ACAN: variants seen among roughly 807,000 people sequenced by gnomAD.
ACAN encodes aggrecan.
Under a neutral mutation model 169.1 loss-of-function variants are expected in ACAN, and 47 were observed. The ratio of observed to expected loss-of-function variants is 0.28; its 90% CI spans 0.22 to 0.35. The LOEUF (loss-of-function observed/expected upper bound fraction) is 0.35. Ranked by LOEUF, ACAN falls within the 10% of genes least tolerant of loss-of-function variation. The probability of loss-of-function intolerance (pLI) is 1.00; values close to 1 mark genes in which losing one functional copy is unlikely to be tolerated. For missense variants in ACAN, 2,716 were observed against 2,759.9 expected (o/e 0.98, Z 0.36); for synonymous variants, 1,115 against 1,112.2 (o/e 1.00, Z -0.05).
chr15:88,833,103 A>G (rs928556000), intron 1 of ACAN, among the ~76,000 whole-genome samples: 7 of 152,068 alleles, frequency 4.6e-5, no homozygotes, highest in African/African-American at 1.7e-4. Context: ...TCAATCCCAT[A>G]ATTTGATGGA....
chr15:88,841,792 C>G lies in ACAN; in HGVS notation c.682C>G (p.Pro228Ala). Residue 228 changes from proline to alanine, a missense_variant, in exon 5 of 19, where the codon CCT (proline) becomes GCT (alanine). By Grantham distance (27) the Pro-to-Ala change is conservative. Around this residue, in one of 3 missense-constraint regions of ACAN, gnomAD observed 1,283 missense variants for 1,281.5 expected, o/e 1.00. Coordinates refer to ENST00000560601, the MANE Select transcript of ACAN (RefSeq NM_001369268.1). Reference sequence around the variant, plus strand: ...CTGCTATGGAGACAAGGATGAGTTTCCTGGTGTGAGGACGTATGGCATCCG... The same window carrying G: ...CTGCTATGGAGACAAGGATGAGTTTGCTGGTGTGAGGACGTATGGCATCCG... The part of the protein sequence containing the change: ...EGCYGDKDEF[P>A]GVRTYGIRDT... 1 of 1,613,646 alleles carries G rather than the reference C, an allele frequency of 6.2e-7. No individual in the cohort carries two copies. Among genetic ancestry groups the G allele is most frequent in the Non-Finnish European group, 8.5e-7 (1 of 1,179,782 alleles).
Position 88,874,498 on chromosome 15 carries a change from G to C in ACAN, c.*17G>C, listed in dbSNP as rs377128538. 9 of 1,587,160 alleles carry C rather than the reference G, an allele frequency of 5.7e-6. No homozygotes were observed. In the South Asian group the frequency reaches 9.2e-5, roughly 16 times the overall value. ...GCCCACTGAGAAGAGCTTCCAGGAC[G>C]CACCCAGGACGCTGAGCCCAGGAGC... On this transcript the variant is annotated 3_prime_UTR_variant, in exon 19 of 19. Coordinates refer to ENST00000560601, the MANE Select transcript of ACAN (RefSeq NM_001369268.1). This position sits in a 1 kb window ranked among gnomAD's most constrained non-coding sequence, Gnocchi z 7.3.
In ACAN at chr15:88,872,527, C is replaced by T. The variant is rs1567194730; in HGVS notation, c.7303-354C>T. ...GGTGGGCAGAAGCTGGACTTAAGAGCTGTGTTCCTACCATCCATCCCTACC... is the reference window on the plus strand; with the variant it reads ...GGTGGGCAGAAGCTGGACTTAAGAGTTGTGTTCCTACCATCCATCCCTACC... On this transcript the variant is annotated intron_variant, in intron 16 of 18. Coordinates refer to ENST00000560601, the MANE Select transcript of ACAN (RefSeq NM_001369268.1). This position sits in a 1 kb window ranked among gnomAD's most constrained non-coding sequence, Gnocchi z 5.4. Among the ~76,000 whole-genome samples the T allele has an allele frequency of 6.6e-6, 1 of 152,072 alleles. No individual in the cohort carries two copies. The highest frequency in any genetic ancestry group is 2.1e-4 in the South Asian group (1 of 4,810).
At chr15:88,867,477 C>T (rs1205964396) in intron 13 of ACAN, among the ~76,000 whole-genome samples, 3 of 152,176 alleles carry the variant, frequency 2.0e-5, no homozygotes, top group Admixed American at 6.5e-5. Context: ...TGGAGATAGC[C>T]ACCTTCTGGG....
intron 13 of ACAN, among the ~76,000 whole-genome samples, chr15:88,864,584 A>T (rs6496526): frequency 0.26 from 38,834 of 152,172 alleles, 9,234 homozygotes; most frequent in African/African-American, 0.63. Context: ...AATTTAATTA[A>T]TTTATCTTAA....
At position 88,840,197 on chromosome 15, in the gene ACAN, G is replaced by A; in HGVS notation, c.629+11G>A. ...TGACCAGACTGTCAGGTGAGCCCTA[G>A]CCCATCAGCTAGTGGGGGCCAGGAG... On this transcript the variant is annotated intron_variant, in intron 4 of 18. Coordinates refer to ENST00000560601, the MANE Select transcript of ACAN (RefSeq NM_001369268.1). 1 of 1,581,932 alleles carries A rather than the reference G, an allele frequency of 6.3e-7. No individual in the cohort carries two copies. The highest frequency in any genetic ancestry group is 1.2e-5 in the South Asian group (1 of 86,428).
intron 1 of ACAN, among the ~76,000 whole-genome samples, chr15:88,826,718 C>G (rs1352689672): frequency 1.3e-5 from 2 of 152,174 alleles, no homozygotes; most frequent in African/African-American, 4.8e-5. Flanking sequence ...GATGCATTTT[C>G]CCATCTACCA....
In ACAN at chr15:88,866,174, C is replaced by T. The variant is rs1317862258; in HGVS notation, c.6947-2042C>T. Among the ~76,000 whole-genome samples, 3 of 152,176 alleles carry T rather than the reference C, an allele frequency of 2.0e-5. No individual in the cohort carries two copies. Among genetic ancestry groups the T allele is most frequent in the Non-Finnish European group, 4.4e-5 (3 of 68,034 alleles). ...CCAGCCTCTGAGACAACTGGATACC[C>T]CCCAGCCTGACCTCCGCTGGGGTGT... On this transcript the variant is annotated intron_variant, in intron 13 of 18. Transcript: ENST00000560601. This position sits in a 1 kb window ranked among gnomAD's most constrained non-coding sequence, Gnocchi z 5.6.
chr15:88,803,950 C>T (rs576026066), intron 1 of ACAN, 141 bp downstream of exon 1: 3 of 152,364 alleles, frequency 2.0e-5, no homozygotes, highest in African/African-American at 7.2e-5. Flanking sequence ...GGGGGCGCAG[C>T]ACATCCACCG....
intron 2 of ACAN, among the ~76,000 whole-genome samples, chr15:88,836,587 C>A (rs1210907607): frequency 6.6e-6 from 1 of 152,188 alleles, no homozygotes; most frequent in Non-Finnish European, 1.5e-5. Context: ...AGGACTGCTG[C>A]GCACTGAGCT....
Position 88,838,869 on chromosome 15 carries a change from C to G in ACAN, c.277C>G (p.Arg93Gly), listed in dbSNP as rs565318742. 21 of 1,614,022 alleles carry G rather than the reference C, an allele frequency of 1.3e-5. No individual in the cohort carries two copies. The highest frequency in any genetic ancestry group is 1.8e-5 in the Non-Finnish European group (21 of 1,179,904). ...AGTGCTGCTGGTGGCCACTGAAGGG[C>G]GCGTGCGGGTCAACAGTGCCTATCA... ...EVVLLVATEGRVRVNSAYQDK... is the reference protein window; with the variant it reads ...EVVLLVATEGGVRVNSAYQDK... The change falls in exon 3 of 19, where the codon CGC becomes GGC. Residue 93 changes from arginine to glycine, a missense_variant. By Grantham distance (125) the Arg-to-Gly change is moderately radical. Transcript: ENST00000560601. This position sits in a 1 kb window ranked among gnomAD's most constrained non-coding sequence, Gnocchi z 5.1.
chr15:88,869,058 C>T lies in ACAN; in HGVS notation c.7060+729C>T, dbSNP rs928543259. Among the ~76,000 whole-genome samples the T allele has an allele frequency of 1.3e-5, 2 of 152,168 alleles. No individual in the cohort carries two copies. Among genetic ancestry groups the T allele is most frequent in the Admixed American group, 6.5e-5 (1 of 15,282 alleles). On this transcript the variant is annotated intron_variant, in intron 14 of 18. Transcript: ENST00000560601. This position sits in a 1 kb window ranked among gnomAD's most constrained non-coding sequence, Gnocchi z 4.2. The stretch of plus-strand genomic sequence containing the variant: ...CTTGCCAACCTCTCCATTTCTGCAC[C>T]ACTTCTACCAAAAGGAGCTGTGCAC...
chr15:88,843,544 C>A lies in ACAN; in HGVS notation c.947C>A (p.Pro316His). 1 of 1,612,716 alleles carries A rather than the reference C, an allele frequency of 6.2e-7. No homozygotes were observed. Among genetic ancestry groups the A allele is most frequent in the Non-Finnish European group, 8.5e-7 (1 of 1,179,674 alleles). Reference protein sequence around the residue: ...SVRYPISKARPNCGGNLLGVR... With the variant: ...SVRYPISKARHNCGGNLLGVR... ...CGCTACCCCATCTCCAAGGCCCGGC[C>A]CAACTGCGGTGGCAACCTCCTGGGC... The change falls in exon 6 of 19, where the codon CCC becomes CAC. Residue 316 changes from proline (P) to histidine (H), a missense_variant. This residue lies in a region of ACAN where 1,283 missense variants were observed against 1,281.5 expected (regional missense o/e 1.00). Transcript: ENST00000560601. The surrounding 1 kb of genome is among the most constrained non-coding windows in gnomAD (Gnocchi z 4.0).
rs182197623 is a variant in ACAN, at chr15:88,825,907, G to A, written c.-7-10293G>A. ...TGTTTTTATTGTTTGACTAGCATCCGCCTGGCTCCTGGTCAGGACAGTGAG... is the reference window on the plus strand; with the variant it reads ...TGTTTTTATTGTTTGACTAGCATCCACCTGGCTCCTGGTCAGGACAGTGAG... On this transcript the variant is annotated intron_variant, in intron 1 of 18. Transcript: ENST00000560601. 2.7e-3 allele frequency among the ~76,000 whole-genome samples: 413 copies of A among 152,258 alleles called. 2 individuals are homozygous for A. The highest frequency in any genetic ancestry group is 2.9e-3 in the Non-Finnish European group (198 of 68,020).
At position 88,872,148 on chromosome 15, in the gene ACAN, G is replaced by A; in HGVS notation, c.7302+63G>A. ...ACAGGGAGTGGGATAGAGACCCCTG[G>A]AGAGAGATGCATTCAAACCCCATGC... On this transcript the variant is annotated intron_variant, in intron 16 of 18. Transcript: ENST00000560601. The surrounding 1 kb of genome is among the most constrained non-coding windows in gnomAD (Gnocchi z 5.4). The A allele has an allele frequency of 2.8e-6, 4 of 1,410,716 alleles. No individual in the cohort carries two copies. The highest frequency in any genetic ancestry group is 4.0e-6 in the Non-Finnish European group (4 of 996,538). The allele number at this position is 1,410,716 out of a possible 1,614,324, so 87.4% of individuals were successfully genotyped here.
At chr15:88,835,188 G>A (rs562326089) in intron 1 of ACAN, among the ~76,000 whole-genome samples, 3 of 152,140 alleles carry the variant, frequency 2.0e-5, no homozygotes, top group Admixed American at 1.3e-4. Context: ...CATGAACCAG[G>A]CCCCTAAACC....
At chr15:88,832,184 C>T (rs1381391022) in intron 1 of ACAN, among the ~76,000 whole-genome samples, 4 of 151,572 alleles carry the variant, frequency 2.6e-5, no homozygotes, top group Non-Finnish European at 5.9e-5. Flanking sequence ...TGTAAAGCAT[C>T]ATGATCGTCA....
chr15:88,854,595 C>T lies in ACAN; in HGVS notation c.2267-257C>T, dbSNP rs74028840. Among the ~76,000 whole-genome samples the T allele has an allele frequency of 0.018, 2,756 of 152,266 alleles. 84 individuals carry two copies. Among genetic ancestry groups the T allele is most frequent in the African/African-American group, 0.062 (2,590 of 41,544 alleles). On this transcript the variant is annotated intron_variant, in intron 11 of 18. Coordinates refer to ENST00000560601, the MANE Select transcript of ACAN (RefSeq NM_001369268.1). ...CCTGTGGGCACCTGGGGGAGCTTCC[C>T]AGTTCCCTACCTCCCTCCTTCCTTT... is the stretch of plus-strand genomic sequence containing the variant.
At chr15:88,832,404 GT>G (rs2141546804) in intron 1 of ACAN, among the ~76,000 whole-genome samples, 1 of 152,134 alleles carries the variant, frequency 6.6e-6, no homozygotes, top group South Asian at 2.1e-4. Flanking sequence ...GAGGACAGGA[GT>G]TCGAGACCAG....
Sources: allele counts gnomAD v4.1 joint callset (sites outside exome capture counted in the v4.1 genomes callset), GRCh38; gene constraint gnomAD v4.1.1; regional missense constraint gnomAD v4.1.1; non-coding constraint Gnocchi (gnomAD v3.1); transcripts MANE v1.5; gene names NCBI Gene and HGNC (gene_info 2026-07-23, HGNC 2026-07-21).